Variants in SENP2 observed in about 807,000 individuals in gnomAD.
The protein encoded by SENP2 is SUMO specific peptidase 2.
SENP2 carries 16 observed loss-of-function variants against 86.3 expected under a neutral mutation model. The ratio of observed to expected loss-of-function variants is 0.19; its 90% CI spans 0.13 to 0.28. SENP2 has a LOEUF of 0.28. SENP2 is among the 10% of genes least tolerant of loss of function. SENP2 has a pLI of 1.00. For missense variants in SENP2, 552 were observed against 703.0 expected, an observed-to-expected ratio of 0.79 and a Z score of 2.43; for synonymous variants, 222 against 238.7, an observed-to-expected ratio of 0.93 and a Z score of 0.64.
chr3:185,614,888 T>C, intron 11 of SENP2, 148 bp downstream of exon 11: 1 of 707,944 alleles, frequency 1.4e-6, no homozygotes, highest in Non-Finnish European at 2.3e-6. Context: ...TGATTCACTT[T>C]GACTACATTG....
chr3:185,600,380 G>T (rs1489720997), intron 4 of SENP2, among the ~76,000 whole-genome samples: 1 of 152,140 alleles, frequency 6.6e-6, no homozygotes, highest in Non-Finnish European at 1.5e-5. Context: ...TAGGAATTCA[G>T]AATTTTTCAT....
At chr3:185,600,607 A>G (rs1303465807) in intron 4 of SENP2, among the ~76,000 whole-genome samples, 158 bp from the exon 5 acceptor site, 3 of 152,220 alleles carry the variant, frequency 2.0e-5, no homozygotes, top group Non-Finnish European at 4.4e-5. Flanking sequence ...ACGTCTACAA[A>G]ATTTGTGCTA....
chr3:185,609,093 A>G, intron 6 of SENP2, 154 bp from the exon 7 acceptor site: 1 of 566,358 alleles, frequency 1.8e-6, no homozygotes, highest in Non-Finnish European at 3.1e-6. Flanking sequence ...AGGAGGCTAG[A>G]TTATTTTTAA....
intron 15 of SENP2, among the ~76,000 whole-genome samples, chr3:185,625,570 A>C (rs1712107533): frequency 6.6e-6 from 1 of 152,106 alleles, no homozygotes; most frequent in Non-Finnish European, 1.5e-5. Context: ...GGCCTGGAGA[A>C]GGTGTGAGCT....
intron 2 of SENP2, 55 bp from the exon 3 acceptor site, chr3:185,598,357 A>C: frequency 1.9e-6 from 3 of 1,560,702 alleles, no homozygotes; most frequent in South Asian, 1.1e-5. Flanking sequence ...ATATCATTTT[A>C]TTTTTTAGCT....
chr3:185,597,716 C>T (rs1245355280), intron 2 of SENP2, among the ~76,000 whole-genome samples: 4 of 147,900 alleles, frequency 2.7e-5, no homozygotes, highest in African/African-American at 7.5e-5. Flanking sequence ...TGTAATGGCG[C>T]GATCTTGGCT....
At position 185,602,193 on chromosome 3, in the gene SENP2, C is replaced by T. The variant is rs150066095; in HGVS notation, c.449+1338C>T. ...TTGGTCTGATCTTTGAAGTTAGAGTCTTTATTCAAGTACTTGGTACTCCTT... is the reference window on the plus strand; with the variant it reads ...TTGGTCTGATCTTTGAAGTTAGAGTTTTTATTCAAGTACTTGGTACTCCTT... On this transcript the variant is annotated intron_variant, in intron 5 of 16. Coordinates refer to ENST00000296257, the MANE Select transcript of SENP2 (RefSeq NM_021627.3). Among the ~76,000 whole-genome samples the T allele has an allele frequency of 1.8e-4, 28 of 152,206 alleles. No individual in the cohort carries two copies. In the East Asian group the frequency reaches 5.4e-3, roughly 29 times the overall value.
chr3:185,621,294 C>CT (rs962744380), intron 13 of SENP2, among the ~76,000 whole-genome samples: 15 of 132,874 alleles, frequency 1.1e-4, no homozygotes, highest in East Asian at 2.2e-4. Context: ...TAAAAACACA[C>CT]TTTTTTTACT....
intron 5 of SENP2, among the ~76,000 whole-genome samples, chr3:185,601,300 C>T (rs1165075987): frequency 6.6e-6 from 1 of 152,098 alleles, no homozygotes; most frequent in Non-Finnish European, 1.5e-5. Flanking sequence ...CCACCTTGGC[C>T]TCCCAAAGTG....
At chr3:185,627,996 T>G (rs2074542731) in intron 16 of SENP2, among the ~76,000 whole-genome samples, 1 of 152,216 alleles carries the variant, frequency 6.6e-6, no homozygotes, top group African/African-American at 2.4e-5. Flanking sequence ...ATAAAGGCAT[T>G]TATTGCTTAG....
intron 5 of SENP2, among the ~76,000 whole-genome samples, chr3:185,605,140 C>T (rs530539995): frequency 4.6e-5 from 7 of 150,706 alleles, no homozygotes; most frequent in South Asian, 2.1e-4. Context: ...GAGGCTGAAG[C>T]GCGTGGATCA....
intron 5 of SENP2, among the ~76,000 whole-genome samples, chr3:185,602,770 G>A (rs1722385830): frequency 6.9e-6 from 1 of 145,190 alleles, no homozygotes; most frequent in African/African-American, 2.6e-5. Context: ...GAAGCAGAGG[G>A]TGCAGTGAGC....
chr3:185,590,255 T>C, intron 2 of SENP2, 86 bp downstream of exon 2: 1 of 705,368 alleles, frequency 1.4e-6, no homozygotes, highest in South Asian at 2.1e-5. Context: ...AAAAAGTATC[T>C]GGTAAAAAGT....
intron 1 of SENP2, among the ~76,000 whole-genome samples, chr3:185,587,127 TC>T (rs1721809953): frequency 6.6e-6 from 1 of 152,200 alleles, no homozygotes; most frequent in South Asian, 2.1e-4. Flanking sequence ...GCTATTCTTT[TC>T]TTTTTTTCTT....
intron 5 of SENP2, among the ~76,000 whole-genome samples, 156 bp downstream of exon 5, chr3:185,601,011 T>G (rs574200132): frequency 6.6e-5 from 10 of 151,744 alleles, no homozygotes; most frequent in African/African-American, 2.4e-4. Flanking sequence ...AGACTTGAAC[T>G]TAGGGGTGTG....
chr3:185,586,638 G>T lies in SENP2; in HGVS notation c.101+124G>T. On this transcript the variant is annotated intron_variant, in intron 1 of 16. Coordinates refer to ENST00000296257, the MANE Select transcript of SENP2 (RefSeq NM_021627.3). This position sits in a 1 kb window ranked among gnomAD's most constrained non-coding sequence, Gnocchi z 4.3. ...AACAGGTCGCCGGGATCCTAGTGAC[G>T]TAGTCGCTCCCGCCAGGCTGTAGGG... 1.2e-6 allele frequency: 1 copy of T among 857,190 alleles called. No homozygotes were observed. Among genetic ancestry groups the T allele is most frequent in the Non-Finnish European group, 1.8e-6 (1 of 544,780 alleles). 53.1% of individuals were successfully genotyped at this position (857,190 alleles called of 1,614,324 possible).
At position 185,630,093 on chromosome 3, in the gene SENP2, GCTAA is replaced by G. The variant is rs1410765094; in HGVS notation, c.*254_*257del. 2 of 383,866 alleles carry G rather than the reference GCTAA, an allele frequency of 5.2e-6. No homozygotes were observed. The highest frequency in any genetic ancestry group is 9.5e-6 in the Non-Finnish European group (2 of 209,814). The allele number at this position is 383,866 out of a possible 1,614,324, so 23.8% of individuals were successfully genotyped here. ...CTGTTCAACCCACACAAGAACAAAC[GCTAA>G]CTAATATTTTTTTTAAGAGATTCTT... On this transcript the variant is annotated 3_prime_UTR_variant, in exon 17 of 17. Coordinates refer to ENST00000296257, the MANE Select transcript of SENP2 (RefSeq NM_021627.3).
chr3:185,586,506 C>T lies in SENP2; in HGVS notation c.93C>T (p.Arg31=). The change falls in exon 1 of 17, where the codon CGC becomes CGT. Residue 31 remains arginine (R), a synonymous_variant. Coordinates refer to ENST00000296257, the MANE Select transcript of SENP2 (RefSeq NM_021627.3). The surrounding 1 kb of genome is among the most constrained non-coding windows in gnomAD (Gnocchi z 4.3). ...CCCGGGCCCTCCTGAAGAGGCGGCG[C>T]TCAGACAGGTGAGACGAGAGGGGGC... The part of the protein sequence containing the change: ...PPARALLKRR[R]SDSTLFSTVD... The T allele has an allele frequency of 6.2e-7, 1 of 1,613,144 alleles. No homozygotes were observed. Among genetic ancestry groups the T allele is most frequent in the South Asian group, 1.1e-5 (1 of 91,072 alleles).
intron 16 of SENP2, 90 bp downstream of exon 16, chr3:185,626,483 T>A: frequency 1.2e-6 from 1 of 865,638 alleles, no homozygotes; most frequent in Non-Finnish European, 1.8e-6. Flanking sequence ...CTCTCAATAG[T>A]AGTAGCTGGC....
Sources: gnomAD v4.1 joint callset for allele counts (sites outside exome capture counted in the v4.1 genomes callset) on GRCh38, gnomAD v4.1.1 for gene constraint, Gnocchi (gnomAD v3.1) non-coding constraint, MANE v1.5 for transcripts, NCBI Gene and HGNC (gene_info 2026-07-23, HGNC 2026-07-21) for gene names.